Variants in EPHA5 observed in about 807,000 individuals in gnomAD.
EPHA5 encodes the protein ephrin type-A receptor 5.
EPHA5 carries 60 observed loss-of-function variants against 105.0 expected under a neutral mutation model. The observed-to-expected ratio is 0.57, with a 90% CI of 0.46 to 0.71. EPHA5 has a LOEUF of 0.71. Ranked by LOEUF, EPHA5 falls within the 30% of genes least tolerant of loss-of-function variation. The pLI is 0.00. For missense variants in EPHA5, 1,218 were observed against 1,274.7 expected (o/e 0.96, Z 0.68); for synonymous variants, 513 against 449.1 (o/e 1.14, Z -1.80).
At chr4:65,582,807 A>T (rs1741763285) in intron 3 of EPHA5, among the ~76,000 whole-genome samples, 1 of 151,730 alleles carries the variant, frequency 6.6e-6, no homozygotes, top group Admixed American at 6.6e-5. Context: ...CAAAGGTATA[A>T]AATAAAGTAA....
intron 6 of EPHA5, among the ~76,000 whole-genome samples, chr4:65,419,968 T>C (rs1198619095): frequency 6.6e-6 from 1 of 152,134 alleles, no homozygotes; most frequent in Non-Finnish European, 1.5e-5. Context: ...AATTTAAACA[T>C]AAATTTTATA....
chr4:65,606,650 G>T (rs1027843939), intron 2 of EPHA5, among the ~76,000 whole-genome samples: 35 of 152,072 alleles, frequency 2.3e-4, no homozygotes, highest in Non-Finnish European at 3.8e-4. Context: ...TTTACTAATT[G>T]TAACTGATAA....
intron 8 of EPHA5, among the ~76,000 whole-genome samples, chr4:65,371,444 C>T (rs1221911954): frequency 6.6e-6 from 1 of 152,028 alleles, no homozygotes; most frequent in African/African-American, 2.4e-5. Context: ...TAATACATTT[C>T]TGATACTATT....
rs1161883372 is a variant in EPHA5, at chr4:65,323,356, A to G, written c.*758T>C. The G allele has an allele frequency of 1.3e-5, 3 of 230,176 alleles. No individual in the cohort carries two copies. The highest frequency in any genetic ancestry group is 1.3e-3 in the Middle Eastern group (1 of 770). The allele number at this position is 230,176 out of a possible 1,614,324, so 14.3% of individuals were successfully genotyped here. ...TTGAAACACTATTAGAAATGCAAGC[A>G]GAATGGTAACACACACATGTGCAAG... On this transcript the variant is annotated 3_prime_UTR_variant, in exon 17 of 17. Transcript: ENST00000613740.
intron 3 of EPHA5, among the ~76,000 whole-genome samples, chr4:65,578,179 T>G (rs1741253750): frequency 6.6e-6 from 1 of 152,024 alleles, no homozygotes; most frequent in African/African-American, 2.4e-5. Context: ...ATTTTCCGAG[T>G]TTCTCATCTA....
At chr4:65,657,877 T>C (rs2149542010) in intron 1 of EPHA5, among the ~76,000 whole-genome samples, 1 of 145,168 alleles carries the variant, frequency 6.9e-6, no homozygotes, top group African/African-American at 2.6e-5. Context: ...GCTTTCTTCA[T>C]ATTGATACAT....
At chr4:65,658,300 A>C (rs1348624150) in intron 1 of EPHA5, among the ~76,000 whole-genome samples, 2 of 151,982 alleles carry the variant, frequency 1.3e-5, no homozygotes, top group Non-Finnish European at 2.9e-5. Context: ...CAGGCAGGAG[A>C]GGTGGGCCAG....
intron 8 of EPHA5, among the ~76,000 whole-genome samples, chr4:65,391,005 T>C (rs572334336): frequency 9.2e-5 from 14 of 151,886 alleles, no homozygotes; most frequent in Non-Finnish European, 1.6e-4. Context: ...TCCTGAATCA[T>C]TGTGGAGGGG....
chr4:65,478,806 T>C (rs1277536212), intron 5 of EPHA5, among the ~76,000 whole-genome samples: 1 of 152,134 alleles, frequency 6.6e-6, no homozygotes, highest in Non-Finnish European at 1.5e-5. Context: ...CTTTATGTTA[T>C]TGTTCTGGAT....
chr4:65,648,297 C>G (rs1373841139), intron 1 of EPHA5, among the ~76,000 whole-genome samples: 1 of 152,214 alleles, frequency 6.6e-6, no homozygotes, highest in Non-Finnish European at 1.5e-5. Context: ...TTTGACTCCA[C>G]TACTTTATCC....
chr4:65,638,224 T>G (rs761113097), intron 2 of EPHA5, among the ~76,000 whole-genome samples: 18 of 152,320 alleles, frequency 1.2e-4, no homozygotes, highest in Admixed American at 4.6e-4. Flanking sequence ...CCAATACAAC[T>G]TAATATATAT....
At chr4:65,631,705 A>G (rs946047260) in intron 2 of EPHA5, among the ~76,000 whole-genome samples, 2 of 143,180 alleles carry the variant, frequency 1.4e-5, no homozygotes, top group African/African-American at 4.9e-5. Context: ...AGCCAACTGC[A>G]GTTGGACATG....
intron 3 of EPHA5, among the ~76,000 whole-genome samples, chr4:65,529,730 G>T (rs926755118): frequency 5.3e-5 from 8 of 152,024 alleles, no homozygotes; most frequent in African/African-American, 1.7e-4. Flanking sequence ...TGACATGAAC[G>T]TATATAACTC....
At chr4:65,355,733 AAT>A (rs903854949) in intron 11 of EPHA5, among the ~76,000 whole-genome samples, 2 of 151,596 alleles carry the variant, frequency 1.3e-5, no homozygotes, top group African/African-American at 4.8e-5. Context: ...CAGTTTCAGG[AAT>A]TTGAAAGAAC....
intron 5 of EPHA5, among the ~76,000 whole-genome samples, chr4:65,485,936 A>G (rs572482635): frequency 1.3e-5 from 2 of 152,160 alleles, no homozygotes; most frequent in South Asian, 4.1e-4. Flanking sequence ...TCCTTATTTT[A>G]CTAAGGGAAA....
intron 3 of EPHA5, among the ~76,000 whole-genome samples, chr4:65,579,508 G>A (rs890965115): frequency 2.6e-5 from 4 of 151,166 alleles, no homozygotes; most frequent in African/African-American, 9.7e-5. Context: ...CATTTGGAAC[G>A]TTTTGCTATA....
chr4:65,654,240 T>C (rs1748863447), intron 1 of EPHA5, among the ~76,000 whole-genome samples: 1 of 128,496 alleles, frequency 7.8e-6, no homozygotes, highest in Non-Finnish European at 1.7e-5. Flanking sequence ...ACTTCTTTCT[T>C]GAAAAAAAAA....
intron 3 of EPHA5, among the ~76,000 whole-genome samples, chr4:65,507,887 A>T (rs1733219298): frequency 6.6e-6 from 1 of 152,118 alleles, no homozygotes; most frequent in Non-Finnish European, 1.5e-5. Context: ...TGATAATACA[A>T]CATATATTAT....
intron 3 of EPHA5, among the ~76,000 whole-genome samples, chr4:65,514,960 A>C (rs1197355032): frequency 6.6e-6 from 1 of 152,032 alleles, no homozygotes; most frequent in Non-Finnish European, 1.5e-5. Context: ...AATAATTCCT[A>C]TAATCAAATC....
Sources: allele counts gnomAD v4.1 joint callset (sites outside exome capture counted in the v4.1 genomes callset), GRCh38; gene constraint gnomAD v4.1.1; transcripts MANE v1.5; gene names NCBI Gene and HGNC (gene_info 2026-07-23, HGNC 2026-07-21).